The following OPCML variants were observed in gnomAD, a reference collection of about 807,000 sequenced individuals.
OPCML encodes the protein opioid binding protein/cell adhesion molecule like, also known as opioid-binding protein/cell adhesion molecule.
A neutral mutation model predicts 37.8 loss-of-function variants in OPCML; 13 were observed. The observed-to-expected ratio is 0.34, with a 90% CI of 0.22 to 0.55. OPCML has a LOEUF of 0.55. Among genes scored for constraint, OPCML ranks in the 20% least tolerant of loss-of-function variants. The pLI is 0.91. For synonymous variants in OPCML, 176 were observed against 168.8 expected (o/e 1.04, Z -0.33); for missense variants, 341 against 435.6 (o/e 0.78, Z 1.93).
At chr11:133,393,852 C>A (rs1202725036) in intron 1 of OPCML, among the ~76,000 whole-genome samples, 3 of 152,246 alleles carry the variant, frequency 2.0e-5, no homozygotes, top group African/African-American at 7.2e-5. Context: ...TTTGGCAAGT[C>A]CTCTTGCCTG....
At chr11:132,766,559 T>C (rs749566218) in intron 2 of OPCML, among the ~76,000 whole-genome samples, 26 of 152,278 alleles carry the variant, frequency 1.7e-4, no homozygotes, top group Admixed American at 3.9e-4. Context: ...GAAGTCTCTG[T>C]TGAGACCCTT....
chr11:132,607,753 A>C lies in OPCML; in HGVS notation c.379+49334T>G, dbSNP rs192651402. On this transcript the variant is annotated intron_variant, in intron 3 of 7. Coordinates refer to ENST00000524381, the MANE Select transcript of OPCML (RefSeq NM_001012393.5). Reference sequence around the variant, plus strand: ...CCTTTTATATGAATCAACACTATTGATAGCACTACCAGAAGGGGTAAACAA... The same window carrying C: ...CCTTTTATATGAATCAACACTATTGCTAGCACTACCAGAAGGGGTAAACAA... 2.9e-3 allele frequency among the ~76,000 whole-genome samples: 443 copies of C among 152,282 alleles called. 8 individuals are homozygous for C. The highest frequency in any genetic ancestry group is 0.017 in the East Asian group (89 of 5,172).
At chr11:133,259,226 AT>A (rs1941416716) in intron 1 of OPCML, among the ~76,000 whole-genome samples, 1 of 152,168 alleles carries the variant, frequency 6.6e-6, no homozygotes, top group Non-Finnish European at 1.5e-5. Flanking sequence ...ATAAATAAAC[AT>A]TTTCATAAGT....
chr11:133,312,182 A>G (rs1943080752), intron 1 of OPCML, among the ~76,000 whole-genome samples: 1 of 152,216 alleles, frequency 6.6e-6, no homozygotes, highest in Non-Finnish European at 1.5e-5. Context: ...TTTATATCCG[A>G]ATTCTCTCCA....
intron 1 of OPCML, among the ~76,000 whole-genome samples, chr11:133,111,128 T>C (rs1304552281): frequency 1.3e-5 from 2 of 152,192 alleles, no homozygotes; most frequent in Non-Finnish European, 2.9e-5. Context: ...TTGTTTTCCA[T>C]GGAAAATAGA....
chr11:133,405,604 CCTGAA>C (rs1945508315), intron 1 of OPCML, among the ~76,000 whole-genome samples: 1 of 152,182 alleles, frequency 6.6e-6, no homozygotes, highest in African/African-American at 2.4e-5. Flanking sequence ...CAGCCTCTCT[CCTGAA>C]CTGTGTTGTT....
chr11:132,442,008 A>C (rs2096037440), intron 4 of OPCML, among the ~76,000 whole-genome samples: 1 of 152,172 alleles, frequency 6.6e-6, no homozygotes, highest in Non-Finnish European at 1.5e-5. Flanking sequence ...GGGGAGAAGG[A>C]CCACTGGCTG....
At chr11:132,648,299 G>T (rs111887634) in intron 3 of OPCML, among the ~76,000 whole-genome samples, 2 of 152,138 alleles carry the variant, frequency 1.3e-5, no homozygotes, top group African/African-American at 4.8e-5. Flanking sequence ...CAGCAGGAAC[G>T]TGTGGGAAAA....
intron 1 of OPCML, among the ~76,000 whole-genome samples, chr11:133,351,277 A>G (rs1944131310): frequency 1.3e-5 from 2 of 152,132 alleles, no homozygotes; most frequent in Admixed American, 1.3e-4. Flanking sequence ...CTCATGTCCC[A>G]TTCCCTTATC....
chr11:132,444,085 G>T (rs1044885171), intron 4 of OPCML, among the ~76,000 whole-genome samples: 1 of 152,198 alleles, frequency 6.6e-6, no homozygotes, highest in Non-Finnish European at 1.5e-5. Context: ...GCAATGCAGA[G>T]TCTGGGGTAA....
intron 3 of OPCML, among the ~76,000 whole-genome samples, chr11:132,652,040 A>G (rs528957254): frequency 1.8e-4 from 27 of 152,326 alleles, no homozygotes; most frequent in Middle Eastern, 6.8e-3. Context: ...CCACTGGCAC[A>G]CATAGATCTC....
intron 3 of OPCML, among the ~76,000 whole-genome samples, chr11:132,537,116 A>G (rs978720857): frequency 1.3e-5 from 2 of 152,228 alleles, no homozygotes; most frequent in Non-Finnish European, 2.9e-5. Context: ...CAGCAGCAAC[A>G]ACAAAATAGT....
intron 1 of OPCML, among the ~76,000 whole-genome samples, chr11:133,271,572 C>A (rs1941834402): frequency 6.6e-6 from 1 of 152,160 alleles, no homozygotes; most frequent in African/African-American, 2.4e-5. Context: ...TAAACACATG[C>A]ATTGTTTCAC....
intron 1 of OPCML, among the ~76,000 whole-genome samples, chr11:133,241,355 A>C (rs1940724634): frequency 6.6e-6 from 1 of 152,262 alleles, no homozygotes; most frequent in African/African-American, 2.4e-5. Flanking sequence ...GTACAAAAAT[A>C]AATAAATGAA....
intron 1 of OPCML, among the ~76,000 whole-genome samples, chr11:133,335,116 C>A (rs1468559342): frequency 1.3e-5 from 2 of 152,208 alleles, no homozygotes; most frequent in African/African-American, 4.8e-5. Flanking sequence ...ATTAGCAACT[C>A]CCTTTCAGAC....
At chr11:133,350,881 CTG>C (rs1332910935) in intron 1 of OPCML, among the ~76,000 whole-genome samples, 2 of 152,200 alleles carry the variant, frequency 1.3e-5, no homozygotes, top group African/African-American at 4.8e-5. Context: ...TATCTGGAAA[CTG>C]TGTGATGGCT....
chr11:132,781,228 G>A (rs1385361088), intron 2 of OPCML, among the ~76,000 whole-genome samples: 5 of 152,054 alleles, frequency 3.3e-5, no homozygotes, highest in Non-Finnish European at 5.9e-5. Context: ...ACAAACTCTC[G>A]AATAGGTGGG....
chr11:133,235,772 T>A (rs891941837), intron 1 of OPCML, among the ~76,000 whole-genome samples: 2 of 152,166 alleles, frequency 1.3e-5, no homozygotes, highest in African/African-American at 4.8e-5. Context: ...TTCACAGCCA[T>A]TAACTCAGAG....
At chr11:132,740,663 C>A (rs185268358) in intron 2 of OPCML, among the ~76,000 whole-genome samples, 1 of 151,958 alleles carries the variant, frequency 6.6e-6, no homozygotes, top group East Asian at 1.9e-4. Context: ...CTCTGTGGGG[C>A]CATAACTTCT....
Sources: gnomAD v4.1 joint callset for allele counts (sites outside exome capture counted in the v4.1 genomes callset) on GRCh38, gnomAD v4.1.1 for gene constraint, MANE v1.5 for transcripts, NCBI Gene and HGNC (gene_info 2026-07-23, HGNC 2026-07-21) for gene names.